EPHB2: variants seen among roughly 807,000 people sequenced by gnomAD.
EPHB2 encodes the protein EPH receptor B2.
In EPHB2, 18 loss-of-function variants were observed where a neutral mutation model predicts 96.4. The ratio of observed to expected loss-of-function variants is 0.19; its 90% CI spans 0.13 to 0.28. The LOEUF is 0.28. Ranked by LOEUF, EPHB2 falls within the 10% of genes least tolerant of loss-of-function variation. The pLI, the probability that EPHB2 is intolerant of heterozygous loss-of-function variation, is 1.00. For synonymous variants in EPHB2, 506 were observed against 534.1 expected (o/e 0.95, Z 0.72); for missense variants, 989 against 1,355.4 (o/e 0.73, Z 4.25).
intron 1 of EPHB2, among the ~76,000 whole-genome samples, chr1:22,764,051 C>G (rs1051838520): frequency 1.3e-5 from 2 of 152,200 alleles, no homozygotes; most frequent in Admixed American, 1.3e-4. Context: ...GATTCCTAAT[C>G]TCATCTCATT....
At chr1:22,763,955 C>T (rs988909214) in intron 1 of EPHB2, among the ~76,000 whole-genome samples, 7 of 152,262 alleles carry the variant, frequency 4.6e-5, no homozygotes, top group East Asian at 1.9e-4. Flanking sequence ...ATCTCTCTAA[C>T]GCCAACCCTC....
chr1:22,818,856 C>A (rs1450600726), intron 3 of EPHB2, among the ~76,000 whole-genome samples: 1 of 152,174 alleles, frequency 6.6e-6, no homozygotes, highest in Non-Finnish European at 1.5e-5. Flanking sequence ...ACGCTTCATG[C>A]CTCCCCTGTC....
intron 5 of EPHB2, among the ~76,000 whole-genome samples, chr1:22,872,653 G>A (rs1638711427): frequency 6.6e-6 from 1 of 152,184 alleles, no homozygotes; most frequent in Admixed American, 6.5e-5. Context: ...TCCCACAGCA[G>A]GTCCCCAGCA....
chr1:22,719,388 C>G (rs1643377882), intron 1 of EPHB2: 1 of 153,766 alleles, frequency 6.5e-6, no homozygotes, highest in African/African-American at 2.4e-5. Context: ...ATTTGAAAAT[C>G]AAGAGATTTT....
At chr1:22,896,564 T>C in intron 9 of EPHB2, 86 bp downstream of exon 9, 1 of 1,535,930 alleles carries the variant, frequency 6.5e-7, no homozygotes, top group Non-Finnish European at 9.0e-7. Flanking sequence ...TTGACCTCCT[T>C]CTGCCATGCT....
chr1:22,729,938 G>T (rs1331774271), intron 1 of EPHB2, among the ~76,000 whole-genome samples: 1 of 152,196 alleles, frequency 6.6e-6, no homozygotes, highest in Non-Finnish European at 1.5e-5. Flanking sequence ...GCTCTCAGAT[G>T]ACTGAAAGGA....
rs1180428483 is a variant in EPHB2, at chr1:22,921,323, G to GCC, written c.*7754_*7755insCC. On this transcript the variant is annotated 3_prime_UTR_variant, in exon 16 of 16. Transcript: ENST00000374630. ...TGTTGGGAGGTCAGGGACTGATACA[G>GCC]CTGGGGTTCCAACCGCCGTGGGTCA... 6.6e-6 allele frequency: 1 copy of GCC among 152,188 alleles called. No homozygotes were observed. Among genetic ancestry groups the GCC allele is most frequent in the African/African-American group, 2.4e-5 (1 of 41,438 alleles). 9.4% of individuals were successfully genotyped at this position (152,188 alleles called of 1,614,324 possible).
At chr1:22,908,479 T>A (rs1032735834) in intron 12 of EPHB2, among the ~76,000 whole-genome samples, 6 of 152,228 alleles carry the variant, frequency 3.9e-5, no homozygotes, top group Non-Finnish European at 7.3e-5. Context: ...GTTTGTCAGA[T>A]GCCATGTTCT....
chr1:22,795,632 T>C (rs1033000827), intron 3 of EPHB2, among the ~76,000 whole-genome samples: 27 of 152,172 alleles, frequency 1.8e-4, no homozygotes, highest in African/African-American at 6.3e-4. Flanking sequence ...ATTCACTCCA[T>C]GAGATATTTT....
chr1:22,910,000 G>C lies in EPHB2; in HGVS notation c.2503-382G>C, dbSNP rs552437872. Reference sequence around the variant, plus strand: ...GCACTAAAATCAAGCATGTGGCCATGTGGGGTCAAGCAAGGAGGCAGACTG... The same window carrying C: ...GCACTAAAATCAAGCATGTGGCCATCTGGGGTCAAGCAAGGAGGCAGACTG... On this transcript the variant is annotated intron_variant, in intron 13 of 15. Coordinates refer to ENST00000374630, the MANE Select transcript of EPHB2 (RefSeq NM_017449.5). 5.9e-5 allele frequency among the ~76,000 whole-genome samples: 9 copies of C among 152,290 alleles called. No individual in the cohort carries two copies. The South Asian group carries it at 1.9e-3, about 32-fold the overall frequency.
intron 3 of EPHB2, among the ~76,000 whole-genome samples, chr1:22,797,970 A>G (rs1419184108): frequency 6.6e-6 from 1 of 152,104 alleles, no homozygotes; most frequent in Non-Finnish European, 1.5e-5. Context: ...TTATACAGGC[A>G]CGCAGCCTGT....
chr1:22,872,967 C>T (rs1487942637), intron 5 of EPHB2, among the ~76,000 whole-genome samples: 2 of 152,212 alleles, frequency 1.3e-5, no homozygotes, highest in Non-Finnish European at 2.9e-5. Context: ...GAGCCCTCTC[C>T]GCGCATCTTC....
chr1:22,851,323 G>A (rs973887508), intron 3 of EPHB2, among the ~76,000 whole-genome samples: 1 of 152,196 alleles, frequency 6.6e-6, no homozygotes, highest in Non-Finnish European at 1.5e-5. Context: ...CAAGTGAGAT[G>A]GAAACTGTTG....
chr1:22,721,513 T>A (rs1051540859), intron 1 of EPHB2, among the ~76,000 whole-genome samples: 1 of 152,188 alleles, frequency 6.6e-6, no homozygotes, highest in Non-Finnish European at 1.5e-5. Context: ...TAAGAGCGCA[T>A]GTCCAGTCTA....
chr1:22,833,451 C>T (rs1228003741), intron 3 of EPHB2, among the ~76,000 whole-genome samples: 1 of 151,890 alleles, frequency 6.6e-6, no homozygotes, highest in East Asian at 1.9e-4. Flanking sequence ...GTAGGTGGAA[C>T]AAAAATACAG....
At chr1:22,711,413 G>A (rs1323286162) in intron 1 of EPHB2, among the ~76,000 whole-genome samples, 1 of 147,914 alleles carries the variant, frequency 6.8e-6, no homozygotes, top group Non-Finnish European at 1.5e-5. Flanking sequence ...GCGCGGGCCC[G>A]GCCGTGGCGG....
intron 3 of EPHB2, among the ~76,000 whole-genome samples, chr1:22,810,901 G>A (rs1644993587): frequency 1.3e-5 from 2 of 152,108 alleles, no homozygotes; most frequent in Non-Finnish European, 2.9e-5. Context: ...GCAGCCCCAA[G>A]TCCCCCTCCT....
chr1:22,835,209 A>G (rs1285911189), intron 3 of EPHB2, among the ~76,000 whole-genome samples: 1 of 152,136 alleles, frequency 6.6e-6, no homozygotes, highest in Non-Finnish European at 1.5e-5. Flanking sequence ...GCGAAACCTC[A>G]TCTCTACAAA....
rs147593408 is a variant in EPHB2 at position 22,715,337 on chromosome 1, A to C, written c.61+4294A>C. Reference sequence around the variant, plus strand: ...AGTTCAGAGGGAGCAGAGCATTCAGATGGGCCAGCAGCCACTGTGTGCTAG... The same window carrying C: ...AGTTCAGAGGGAGCAGAGCATTCAGCTGGGCCAGCAGCCACTGTGTGCTAG... On this transcript the variant is annotated intron_variant, in intron 1 of 15. Coordinates refer to ENST00000374630, the MANE Select transcript of EPHB2 (RefSeq NM_017449.5). Among the ~76,000 whole-genome samples, 63 of 152,162 alleles carry C rather than the reference A, an allele frequency of 4.1e-4. No individual in the cohort carries two copies. The East Asian group carries it at 0.012, about 30-fold the overall frequency.
Sources: allele counts gnomAD v4.1 joint callset (sites outside exome capture counted in the v4.1 genomes callset), GRCh38; gene constraint gnomAD v4.1.1; transcripts MANE v1.5; gene names NCBI Gene and HGNC (gene_info 2026-07-23, HGNC 2026-07-21).